The following PDIA5 variants were observed in gnomAD, a reference collection of about 807,000 sequenced individuals.
PDIA5 encodes protein disulfide-isomerase A5.
PDIA5 carries 58 observed loss-of-function variants against 77.6 expected under a neutral mutation model. The ratio of observed to expected loss-of-function variants is 0.75; its 90% confidence interval spans 0.61 to 0.93. The LOEUF (loss-of-function observed/expected upper bound fraction) is 0.93, where lower values mean the gene tolerates loss of function less well. Ranked by LOEUF, PDIA5 falls within the 40% of genes least tolerant of loss-of-function variation. The probability of loss-of-function intolerance (pLI) is 0.00; values close to 1 mark genes in which losing one functional copy is unlikely to be tolerated. For missense variants in PDIA5, 630 were observed against 647.7 expected, an observed-to-expected ratio of 0.97 and a Z score of 0.30; for synonymous variants, 250 against 252.1, an observed-to-expected ratio of 0.99 and a Z score of 0.08.
chr3:123,160,954 G>A (rs1018415161), intron 15 of PDIA5, among the ~76,000 whole-genome samples: 6 of 152,272 alleles, frequency 3.9e-5, no homozygotes, highest in South Asian at 2.1e-4. Flanking sequence ...CTAATGTTCC[G>A]GAAATATTAG....
chr3:123,150,248 C>G lies in PDIA5; in HGVS notation c.1157C>G (p.Pro386Arg). ...LEWMQNPEAP[P>R]PPEPTWEEQQ... ...GCTTCTTGCAGCCCTGAGGCCCCCC[C>G]GCCCCCAGAGCCCACGTGGGAAGAG... The change falls in exon 14 of 17, where the codon CCG (proline) becomes CGG (arginine). Residue 386 changes from proline (P) to arginine (R), a missense_variant. Coordinates refer to ENST00000316218, the MANE Select transcript of PDIA5 (RefSeq NM_006810.4). 4 of 1,612,790 alleles carry G rather than the reference C, an allele frequency of 2.5e-6. No individual in the cohort carries two copies. The highest frequency in any genetic ancestry group is 1.1e-5 in the South Asian group (1 of 90,976).
At chr3:123,156,866 G>A (rs1307719157) in intron 15 of PDIA5, among the ~76,000 whole-genome samples, 4 of 152,210 alleles carry the variant, frequency 2.6e-5, no homozygotes, top group Non-Finnish European at 5.9e-5. Flanking sequence ...CTAGACCGCC[G>A]CTGAGGCTGT....
intron 2 of PDIA5, among the ~76,000 whole-genome samples, chr3:123,091,435 C>T (rs143631708): frequency 2.6e-5 from 4 of 152,236 alleles, no homozygotes; most frequent in African/African-American, 4.8e-5. Context: ...TCACAGGTGT[C>T]GCCTAGGAGA....
At chr3:123,151,754 G>GCCTGCCTGGCCTGCCTT (rs1935899957) in intron 14 of PDIA5, among the ~76,000 whole-genome samples, 1 of 140,332 alleles carries the variant, frequency 7.1e-6, no homozygotes, top group Non-Finnish European at 1.6e-5. Context: ...CTGCCTGCCT[G>GCCTGCCTGGCCTGCCTT]CCTGCCTGCC....
At chr3:123,105,739 GCACA>G (rs3080448) in intron 5 of PDIA5, among the ~76,000 whole-genome samples, 17,938 of 149,332 alleles carry the variant, frequency 0.12, 1,708 homozygotes, top group Admixed American at 0.25. Context: ...CCACACACAC[GCACA>G]CACACACACA....
intron 8 of PDIA5, among the ~76,000 whole-genome samples, 196 bp downstream of exon 8, chr3:123,116,494 G>A (rs982968581): frequency 6.6e-5 from 10 of 152,368 alleles, no homozygotes; most frequent in African/African-American, 1.4e-4. Flanking sequence ...CCACCAAGTT[G>A]CTGGGACCAG....
chr3:123,150,164 G>A (rs1422381870), intron 13 of PDIA5, 70 bp from the exon 14 acceptor site: 10 of 1,130,072 alleles, frequency 8.8e-6, no homozygotes, highest in Middle Eastern at 5.3e-4. Context: ...GGGACATTGA[G>A]GGTGGATTTC....
chr3:123,114,336 A>G (rs549161400), intron 7 of PDIA5, among the ~76,000 whole-genome samples: 2 of 151,540 alleles, frequency 1.3e-5, no homozygotes, highest in Non-Finnish European at 2.9e-5. Context: ...CCCTCAGTGG[A>G]AGTGTTTCCC....
At position 123,089,262 on chromosome 3, in the gene PDIA5, G is replaced by A. The variant is rs1383941343; in HGVS notation, c.137G>A (p.Arg46Gln). ...GACTTGAAAAAACTGCTCAGAACCC[G>A]GAATAATGTACTGGTGCTTTACTCC... ...PKDLKKLLRTRNNVLVLYSKS... is the reference protein window; with the variant it reads ...PKDLKKLLRTQNNVLVLYSKS... The change falls in exon 2 of 17, where the codon CGG becomes CAG. Residue 46 changes from arginine to glutamine, a missense_variant. Coordinates refer to ENST00000316218, the MANE Select transcript of PDIA5 (RefSeq NM_006810.4). The A allele has an allele frequency of 4.6e-5, 75 of 1,614,014 alleles. No individual in the cohort carries two copies. The highest frequency in any genetic ancestry group is 6.7e-5 in the Admixed American group (4 of 60,010).
At chr3:123,067,545 C>T in intron 1 of PDIA5, 1 of 316,628 alleles carries the variant, frequency 3.2e-6, no homozygotes, top group Non-Finnish European at 5.8e-6. Flanking sequence ...GCGGGGTGAG[C>T]TCCGCTCCAG....
At chr3:123,118,404 C>T (rs569562093) in intron 8 of PDIA5, among the ~76,000 whole-genome samples, 11 of 152,280 alleles carry the variant, frequency 7.2e-5, no homozygotes, top group Admixed American at 2.0e-4. Context: ...CTCAACTTCC[C>T]GAATTCTGTG....
chr3:123,111,899 C>T (rs371404031), intron 7 of PDIA5, among the ~76,000 whole-genome samples: 4 of 152,304 alleles, frequency 2.6e-5, no homozygotes, highest in African/African-American at 7.2e-5. Context: ...ATTGGTTCTA[C>T]GTACTGCTTC....
chr3:123,161,086 T>A (rs2107998561), intron 15 of PDIA5, among the ~76,000 whole-genome samples: 1 of 152,258 alleles, frequency 6.6e-6, no homozygotes, highest in East Asian at 1.9e-4. Flanking sequence ...TAAAGGACAG[T>A]CTAAAGGCAC....
At chr3:123,099,645 C>T (rs1053081161) in intron 3 of PDIA5, among the ~76,000 whole-genome samples, 3 of 152,240 alleles carry the variant, frequency 2.0e-5, no homozygotes, top group African/African-American at 7.2e-5. Flanking sequence ...GAAGAACAGG[C>T]AGGGGTGCCT....
chr3:123,097,955 G>A (rs11707418), intron 3 of PDIA5, among the ~76,000 whole-genome samples: 5,977 of 152,236 alleles, frequency 0.039, 487 homozygotes, highest in Admixed American at 0.21. Context: ...TACCCCACCA[G>A]GAGGGGCTGA....
At chr3:123,151,971 T>TCCTGCCTTCCTGCCTTCCTG (rs1935918362) in intron 14 of PDIA5, among the ~76,000 whole-genome samples, 1 of 125,494 alleles carries the variant, frequency 8.0e-6, no homozygotes, top group African/African-American at 3.6e-5. Flanking sequence ...CTGCCTTCCT[T>TCCTGCCTTCCTGCCTTCCTG]CCTGCCTTCC....
intron 1 of PDIA5, among the ~76,000 whole-genome samples, chr3:123,080,434 C>G (rs1023015928): frequency 6.6e-6 from 1 of 152,160 alleles, no homozygotes; most frequent in African/African-American, 2.4e-5. Context: ...TTTTCTGTCT[C>G]CAGCAGTGGT....
intron 1 of PDIA5, among the ~76,000 whole-genome samples, chr3:123,076,636 C>T (rs184531159): frequency 6.6e-6 from 1 of 152,204 alleles, no homozygotes; most frequent in African/African-American, 2.4e-5. Context: ...CACCGTGGGT[C>T]ATGAACACTG....
intron 1 of PDIA5, among the ~76,000 whole-genome samples, chr3:123,078,192 C>T (rs902531345): frequency 1.3e-5 from 2 of 152,186 alleles, no homozygotes; most frequent in Non-Finnish European, 2.9e-5. Context: ...AAGTACTTTG[C>T]AGATTCCATA....
Sources: gnomAD v4.1 joint callset for allele counts (sites outside exome capture counted in the v4.1 genomes callset) on GRCh38, gnomAD v4.1.1 for gene constraint, MANE v1.5 for transcripts, NCBI Gene and HGNC (gene_info 2026-07-23, HGNC 2026-07-21) for gene names.